The following WNK1 variants were observed in gnomAD, a reference collection of about 807,000 sequenced individuals.
The protein encoded by WNK1 is WNK lysine deficient protein kinase 1.
Under a neutral mutation model 222.8 loss-of-function variants are expected in WNK1, and 38 were observed. The ratio of observed to expected loss-of-function variants is 0.17; its 90% confidence interval spans 0.13 to 0.22. The LOEUF is 0.22. Among genes scored for constraint, WNK1 ranks in the 10% least tolerant of loss-of-function variants. The pLI is 1.00. For synonymous variants in WNK1, 1,090 were observed against 1,092.9 expected (o/e 1.00, Z 0.05); for missense variants, 2,348 against 2,918.4 (o/e 0.80, Z 4.50).
At chr12:862,053 C>CT (rs767463452) in intron 7 of WNK1, 30 bp from the exon 8 acceptor site, 21 of 1,608,304 alleles carry the variant, frequency 1.3e-5, no homozygotes, top group African/African-American at 6.7e-5. Flanking sequence ...TTCTCTCTCT[C>CT]TTTTTTTTGG....
At chr12:825,336 T>A (rs1362811075) in intron 2 of WNK1, among the ~76,000 whole-genome samples, 2 of 152,228 alleles carry the variant, frequency 1.3e-5, no homozygotes, top group Non-Finnish European at 2.9e-5. Context: ...TTTAGTTAGA[T>A]CTGGATCTCT....
chr12:891,287 C>T (rs1315278132), intron 22 of WNK1, among the ~76,000 whole-genome samples: 1 of 152,142 alleles, frequency 6.6e-6, no homozygotes, highest in African/African-American at 2.4e-5. Flanking sequence ...TACAGGCATG[C>T]ACCACCACAC....
At chr12:870,651 C>T (rs1044906912) in intron 8 of WNK1, among the ~76,000 whole-genome samples, 8 of 152,142 alleles carry the variant, frequency 5.3e-5, no homozygotes, top group Non-Finnish European at 1.0e-4. Context: ...CTATTTAGAA[C>T]ATCCTTGGTT....
At chr12:851,773 T>C (rs777245386) in intron 4 of WNK1, 27 of 1,345,058 alleles carry the variant, frequency 2.0e-5, no homozygotes, top group Non-Finnish European at 2.4e-5. Flanking sequence ...AAAAGGATTG[T>C]ATAAATGAGG....
intron 22 of WNK1, among the ~76,000 whole-genome samples, chr12:891,101 A>T (rs547887157): frequency 6.6e-6 from 1 of 152,350 alleles, no homozygotes; most frequent in Non-Finnish European, 1.5e-5. Flanking sequence ...GAGAATGTAG[A>T]ATATGAAAAA....
Position 889,735 on chromosome 12 carries a change from G to A in WNK1, c.5448+512G>A, listed in dbSNP as rs75942442. ...CGGGAGGCTGAGGCAGGACAATGGC[G>A]TAAAACCCAGGAGGCAGAGCTTGCA... On this transcript the variant is annotated intron_variant, in intron 21 of 27. Coordinates refer to ENST00000315939, the MANE Select transcript of WNK1 (RefSeq NM_018979.4). Among the ~76,000 whole-genome samples, 941 of 152,150 alleles carry A rather than the reference G, an allele frequency of 6.2e-3. 14 individuals are homozygous for A. Among genetic ancestry groups the A allele is most frequent in the African/African-American group, 0.022 (894 of 41,506 alleles).
Position 868,745 on chromosome 12 carries a change from C to T in WNK1, c.2140-2520C>T. 1.2e-6 allele frequency: 2 copies of T among 1,613,990 alleles called. No individual in the cohort carries two copies. The highest frequency in any genetic ancestry group is 2.2e-5 in the South Asian group (2 of 91,084). On this transcript the variant is annotated intron_variant, in intron 8 of 27. Transcript: ENST00000315939. Reference sequence around the variant, plus strand: ...CTTGAATCAAGAAGAACTGCCTCCTCAATCAGTTGGATTACATGGCTACTT... The same window carrying T: ...CTTGAATCAAGAAGAACTGCCTCCTTAATCAGTTGGATTACATGGCTACTT...
In WNK1 at chr12:908,945, C is replaced by A. The variant is rs1001918014; in HGVS notation, c.*153C>A. On this transcript the variant is annotated 3_prime_UTR_variant, in exon 28 of 28. Coordinates refer to ENST00000315939, the MANE Select transcript of WNK1 (RefSeq NM_018979.4). ...GGAATGTTTTTAATACTGCATTGAG[C>A]CCTCAGAATGGAGAGTCTCCCCCGC... 4 of 861,216 alleles carry A rather than the reference C, an allele frequency of 4.6e-6. No individual in the cohort carries two copies. Among genetic ancestry groups the A allele is most frequent in the Non-Finnish European group, 7.2e-6 (4 of 553,092 alleles). The allele number at this position is 861,216 out of a possible 1,614,324, so 53.3% of individuals were successfully genotyped here. A position where few individuals can be genotyped will look rare whatever the true frequency, so the allele number is the denominator to read the frequency against.
At chr12:882,125 A>G (rs1307208957) in intron 14 of WNK1, 52 bp downstream of exon 14, 1 of 1,546,446 alleles carries the variant, frequency 6.5e-7, no homozygotes, top group Non-Finnish European at 8.8e-7. Context: ...TTTGACACTG[A>G]AAAAGATTTT....
At chr12:856,669 A>G (rs1158261325) in intron 4 of WNK1, among the ~76,000 whole-genome samples, 6 of 152,180 alleles carry the variant, frequency 3.9e-5, no homozygotes, top group Admixed American at 6.5e-5. Context: ...TCATACCAAA[A>G]CAATATAAAT....
intron 26 of WNK1, 78 bp from the exon 27 acceptor site, chr12:907,769 C>G: frequency 6.6e-7 from 1 of 1,525,534 alleles, no homozygotes; most frequent in Non-Finnish European, 9.1e-7. Context: ...TGCCATTCAT[C>G]ATCCCGTGAA....
Position 880,936 on chromosome 12 carries a change from G to A in WNK1, c.3048G>A (p.Val1016=), listed in dbSNP as rs765725155. The A allele has an allele frequency of 5.0e-6, 8 of 1,614,038 alleles. No individual in the cohort carries two copies. The highest frequency in any genetic ancestry group is 5.9e-6 in the Non-Finnish European group (7 of 1,180,042). The change falls in exon 12 of 28, where the codon GTG becomes GTA. Residue 1016 remains valine, a synonymous_variant. Coordinates refer to ENST00000315939, the MANE Select transcript of WNK1 (RefSeq NM_018979.4). ...PMGGVGGQVQ[V]SQPGGSLAQA... is the part of the protein sequence containing the mutation. The stretch of plus-strand genomic sequence containing the variant: ...GTGGTGTAGGAGGACAGGTTCAAGT[G>A]TCCCAGCCAGGAGGGAGTTTAGCAC...
chr12:809,374 C>T (rs1946703446), intron 1 of WNK1, among the ~76,000 whole-genome samples: 1 of 151,368 alleles, frequency 6.6e-6, no homozygotes, highest in Admixed American at 6.6e-5. Flanking sequence ...TATCTTTTCA[C>T]CCATTGAGGA....
At chr12:876,176 G>A (rs1952590777) in intron 9 of WNK1, among the ~76,000 whole-genome samples, 2 of 152,148 alleles carry the variant, frequency 1.3e-5, no homozygotes, top group Admixed American at 1.3e-4. Context: ...TTGGGAGGCC[G>A]AGGTGCACGG....
chr12:866,257 T>G (rs551423965), intron 8 of WNK1, among the ~76,000 whole-genome samples: 1 of 152,240 alleles, frequency 6.6e-6, no homozygotes, highest in Non-Finnish European at 1.5e-5. Context: ...TTGTGAACAG[T>G]TGATCTACTT....
intron 19 of WNK1, among the ~76,000 whole-genome samples, chr12:886,674 T>A (rs1953692329): frequency 6.6e-6 from 1 of 152,224 alleles, no homozygotes; most frequent in African/African-American, 2.4e-5. Context: ...ACGTCTACTG[T>A]ATTGTATGCT....
intron 1 of WNK1, among the ~76,000 whole-genome samples, chr12:783,289 TCTG>T (rs955125742): frequency 1.3e-5 from 2 of 152,286 alleles, no homozygotes; most frequent in Admixed American, 1.3e-4. Context: ...ATCTTCAAAA[TCTG>T]CTGTGTGTTT....
At chr12:756,009 A>G (rs1379429725) in intron 1 of WNK1, among the ~76,000 whole-genome samples, 1 of 152,154 alleles carries the variant, frequency 6.6e-6, no homozygotes, top group East Asian at 1.9e-4. Context: ...AAAAAAACTT[A>G]TGTCCGATTC....
At chr12:839,239 G>A (rs886928774) in intron 4 of WNK1, among the ~76,000 whole-genome samples, 14 of 152,168 alleles carry the variant, frequency 9.2e-5, no homozygotes, top group African/African-American at 3.4e-4. Context: ...AAAGGACAAG[G>A]CAAGGGATAA....
Sources: gnomAD v4.1 joint callset for allele counts (sites outside exome capture counted in the v4.1 genomes callset) on GRCh38, gnomAD v4.1.1 for gene constraint, MANE v1.5 for transcripts, NCBI Gene and HGNC (gene_info 2026-07-23, HGNC 2026-07-21) for gene names.